The following ZNF462 variants were observed in gnomAD, a reference collection of about 807,000 sequenced individuals.
The protein encoded by ZNF462 is zinc finger protein 462.
A neutral mutation model predicts 201.9 loss-of-function variants in ZNF462; 10 were observed. The ratio of observed to expected loss-of-function variants is 0.05; its 90% CI spans 0.03 to 0.08. The LOEUF (loss-of-function observed/expected upper bound fraction) is 0.08, where lower values mean the gene tolerates loss of function less well. Among genes scored for constraint, ZNF462 ranks in the 10% least tolerant of loss-of-function variants. The pLI is 1.00. For missense variants in ZNF462, 2,523 were observed against 3,168.3 expected, an observed-to-expected ratio of 0.80 and a Z score of 4.89; for synonymous variants, 1,227 against 1,193.3, an observed-to-expected ratio of 1.03 and a Z score of -0.58.
Position 107,010,929 on chromosome 9 carries a change from G to A in ZNF462, c.7420G>A (p.Ala2474Thr), listed in dbSNP as rs1404129087. Reference protein sequence around the residue: ...PSIEEKEDDEAIGIDFSLKNE... With the variant: ...PSIEEKEDDETIGIDFSLKNE... ...CATAGAGGAAAAGGAAGATGACGAG[G>A]CCATTGGGATAGACTTTTCCCTAAA... The change falls in exon 13 of 13, where the codon GCC (alanine) becomes ACC (threonine). Residue 2474 changes from alanine (A) to threonine (T), a missense_variant. Transcript: ENST00000277225. This position sits in a 1 kb window ranked among gnomAD's most constrained non-coding sequence, Gnocchi z 4.6. 6.2e-7 allele frequency: 1 copy of A among 1,613,658 alleles called. No individual in the cohort carries two copies. Among genetic ancestry groups the A allele is most frequent in the East Asian group, 2.2e-5 (1 of 44,770 alleles).
intron 6 of ZNF462, among the ~76,000 whole-genome samples, chr9:106,937,992 A>G (rs1361722698): frequency 6.6e-6 from 1 of 152,184 alleles, no homozygotes; most frequent in Non-Finnish European, 1.5e-5. Flanking sequence ...TAAAAGCAAA[A>G]TGGCTTTCTG....
At chr9:106,944,983 A>T (rs1054309150) in intron 7 of ZNF462, among the ~76,000 whole-genome samples, 24 of 152,134 alleles carry the variant, frequency 1.6e-4, no homozygotes, top group African/African-American at 5.8e-4. Context: ...TTCCAATAAA[A>T]CTTTATGTAC....
At position 106,926,727 on chromosome 9, in the gene ZNF462, A is replaced by C; in HGVS notation, c.2815A>C (p.Ser939Arg). 6.2e-7 allele frequency: 1 copy of C among 1,614,164 alleles called. No homozygotes were observed. The highest frequency in any genetic ancestry group is 8.5e-7 in the Non-Finnish European group (1 of 1,180,022). The change falls in exon 3 of 13, where the codon AGC becomes CGC. Residue 939 changes from serine (S) to arginine (R), a missense_variant. Around this residue, in one of 15 missense-constraint regions of ZNF462, gnomAD observed 280 missense variants for 321.3 expected, o/e 0.87. Coordinates refer to ENST00000277225, the MANE Select transcript of ZNF462 (RefSeq NM_021224.6). This position sits in a 1 kb window ranked among gnomAD's most constrained non-coding sequence, Gnocchi z 7.9. ...FCSYTSPNVR[S>R]LMPHYQRMHP... Reference sequence around the variant, plus strand: ...TTCATACACGAGCCCGAATGTTAGAAGCCTGATGCCACATTACCAAAGAAT... The same window carrying C: ...TTCATACACGAGCCCGAATGTTAGACGCCTGATGCCACATTACCAAAGAAT...
chr9:106,983,194 C>T (rs1827576408), intron 9 of ZNF462, among the ~76,000 whole-genome samples: 1 of 152,192 alleles, frequency 6.6e-6, no homozygotes, highest in African/African-American at 2.4e-5. Flanking sequence ...CAGTTAAACA[C>T]AAGGGTGAGA....
At chr9:106,916,936 T>C (rs1829797741) in intron 1 of ZNF462, among the ~76,000 whole-genome samples, 1 of 152,242 alleles carries the variant, frequency 6.6e-6, no homozygotes, top group South Asian at 2.1e-4. Context: ...TACTGAGATA[T>C]CAGCCTGCTT....
chr9:106,953,559 A>G (rs1401044091), intron 7 of ZNF462, among the ~76,000 whole-genome samples: 3 of 152,012 alleles, frequency 2.0e-5, no homozygotes, highest in African/African-American at 7.2e-5. Flanking sequence ...AGCCTCTCTG[A>G]TCATGCCTTC....
intron 10 of ZNF462, among the ~76,000 whole-genome samples, chr9:107,002,743 A>G (rs1260666359): frequency 6.6e-6 from 1 of 152,216 alleles, no homozygotes; most frequent in Non-Finnish European, 1.5e-5. Context: ...CACTAACAGT[A>G]ATAATATTAT....
intron 1 of ZNF462, among the ~76,000 whole-genome samples, chr9:106,891,034 TAAA>T (rs1292212338): frequency 6.6e-6 from 1 of 152,084 alleles, no homozygotes; most frequent in African/African-American, 2.4e-5. Flanking sequence ...GCTAATTTAG[TAAA>T]AAAGTCAGAG....
intron 7 of ZNF462, among the ~76,000 whole-genome samples, chr9:106,971,216 G>A (rs1826590364): frequency 6.6e-6 from 1 of 151,336 alleles, no homozygotes; most frequent in African/African-American, 2.4e-5. Flanking sequence ...AAATTTGGTT[G>A]CTTGAATAAA....
At chr9:106,956,715 T>TGCAG (rs1273013940) in intron 7 of ZNF462, among the ~76,000 whole-genome samples, 1 of 152,208 alleles carries the variant, frequency 6.6e-6, no homozygotes, top group African/African-American at 2.4e-5. Context: ...GATAATCTGC[T>TGCAG]GCAGCTTCTA....
At chr9:107,004,375 A>G (rs73668721) in intron 11 of ZNF462, among the ~76,000 whole-genome samples, 5,933 of 152,224 alleles carry the variant, frequency 0.039, 383 homozygotes, top group African/African-American at 0.14. Context: ...TCATGACTAG[A>G]GAGGACTGTA....
chr9:106,925,997 G>A lies in ZNF462; in HGVS notation c.2085G>A (p.Arg695=). The change falls in exon 3 of 13, where the codon AGG becomes AGA. Residue 695 remains arginine, a synonymous_variant. Transcript: ENST00000277225. The surrounding 1 kb of genome is among the most constrained non-coding windows in gnomAD (Gnocchi z 7.9). ...LDLSPVKKRT[R]IDEIASNLQS... is the part of the protein sequence containing the mutation. Reference sequence around the variant, plus strand: ...TGTCACCCGTGAAGAAGAGAACCAGGATTGACGAGATAGCAAGCAACCTTC... The same window carrying A: ...TGTCACCCGTGAAGAAGAGAACCAGAATTGACGAGATAGCAAGCAACCTTC... 1 of 1,614,194 alleles carries A rather than the reference G, an allele frequency of 6.2e-7. No individual in the cohort carries two copies.
intron 7 of ZNF462, among the ~76,000 whole-genome samples, chr9:106,947,417 G>A (rs929241696): frequency 5.3e-5 from 8 of 152,152 alleles, no homozygotes; most frequent in Admixed American, 6.5e-5. Flanking sequence ...TAGCCACATC[G>A]AAGAGATGCA....
At chr9:106,998,623 T>A (rs1828924288) in intron 10 of ZNF462, among the ~76,000 whole-genome samples, 2 of 152,054 alleles carry the variant, frequency 1.3e-5, no homozygotes, top group South Asian at 2.1e-4. Flanking sequence ...TTATTTATTT[T>A]TTGAGATGGA....
chr9:106,956,955 C>A (rs1294961673), intron 7 of ZNF462, among the ~76,000 whole-genome samples: 1 of 152,128 alleles, frequency 6.6e-6, no homozygotes, highest in African/African-American at 2.4e-5. Flanking sequence ...CAACTTTCTC[C>A]ATAATCAGCA....
Position 106,863,364 on chromosome 9 carries a change from C to G in ZNF462, c.-31+9C>G. 1 of 395,970 alleles carries G rather than the reference C, an allele frequency of 2.5e-6. No homozygotes were observed. The allele number at this position is 395,970 out of a possible 1,614,324, so 24.5% of individuals were successfully genotyped here. On this transcript the variant is annotated intron_variant, in intron 1 of 12. Coordinates refer to ENST00000277225, the MANE Select transcript of ZNF462 (RefSeq NM_021224.6). ...GCCGGGACGCTTCTTCTGTAAGTTA[C>G]TGCAATTAACAACCACCTCGGGGTG...
At chr9:106,985,318 A>C (rs1827751890) in intron 10 of ZNF462, among the ~76,000 whole-genome samples, 2 of 152,196 alleles carry the variant, frequency 1.3e-5, no homozygotes, top group Non-Finnish European at 2.9e-5. Context: ...GAACATTATA[A>C]GGATTGTAAA....
In ZNF462 at chr9:106,917,787, T is replaced by C. The variant is rs532648774; in HGVS notation, c.-30-5567T>C. Among the ~76,000 whole-genome samples, 45 of 152,212 alleles carry C rather than the reference T, an allele frequency of 3.0e-4. No homozygotes were observed. The highest frequency in any genetic ancestry group is 1.1e-3 in the African/African-American group (45 of 41,572). ...GTAGTACCAAATGCTATGGGATTGT[T>C]GGAGGTAGCTTGTTGTTGGAAGTTG... On this transcript the variant is annotated intron_variant, in intron 1 of 12. Coordinates refer to ENST00000277225, the MANE Select transcript of ZNF462 (RefSeq NM_021224.6). This position sits in a 1 kb window ranked among gnomAD's most constrained non-coding sequence, Gnocchi z 4.5.
chr9:106,992,512 C>T (rs7865611), intron 10 of ZNF462, among the ~76,000 whole-genome samples: 16,870 of 151,970 alleles, frequency 0.11, 2,445 homozygotes, highest in African/African-American at 0.33. Flanking sequence ...AAATAAAATA[C>T]GGCGTATCCA....
Sources: gnomAD v4.1 joint callset for allele counts (sites outside exome capture counted in the v4.1 genomes callset) on GRCh38, gnomAD v4.1.1 for gene constraint, gnomAD v4.1.1 regional missense constraint, Gnocchi (gnomAD v3.1) non-coding constraint, MANE v1.5 for transcripts, NCBI Gene and HGNC (gene_info 2026-07-23, HGNC 2026-07-21) for gene names.